Variants in KMT2C observed in about 807,000 individuals in gnomAD.
KMT2C encodes lysine methyltransferase 2C.
Under a neutral mutation model 507.9 loss-of-function variants are expected in KMT2C, and 88 were observed. The observed-to-expected ratio is 0.17, with a 90% CI of 0.15 to 0.21. The LOEUF (loss-of-function observed/expected upper bound fraction) is 0.21, where lower values mean the gene tolerates loss of function less well. Among genes scored for constraint, KMT2C ranks in the 10% least tolerant of loss-of-function variants. The probability of loss-of-function intolerance (pLI) is 1.00; values close to 1 mark genes in which losing one functional copy is unlikely to be tolerated. For missense variants in KMT2C, 4,954 were observed against 5,957.8 expected, an observed-to-expected ratio of 0.83 and a Z score of 5.55; for synonymous variants, 2,049 against 2,080.8, an observed-to-expected ratio of 0.98 and a Z score of 0.42.
At chr7:152,140,996 T>C (rs1363989201) in intron 55 of KMT2C, among the ~76,000 whole-genome samples, 1 of 152,200 alleles carries the variant, frequency 6.6e-6, no homozygotes, top group Non-Finnish European at 1.5e-5. Context: ...TCCCACCACT[T>C]TGGGAAGCCA....
chr7:152,434,426 C>A (rs549816365), intron 1 of KMT2C, among the ~76,000 whole-genome samples: 7 of 152,328 alleles, frequency 4.6e-5, no homozygotes, highest in Admixed American at 4.6e-4. Flanking sequence ...CCCAGCTCTG[C>A]TATGCCTCAG....
chr7:152,241,773 T>C (rs1333722279), intron 14 of KMT2C, among the ~76,000 whole-genome samples: 5 of 152,242 alleles, frequency 3.3e-5, no homozygotes, highest in Admixed American at 6.5e-5. Context: ...AATATTATGT[T>C]GGCAGTAGAC....
At chr7:152,179,787 C>T (rs1315092697) in intron 37 of KMT2C, 47 bp downstream of exon 37, 1 of 1,562,246 alleles carries the variant, frequency 6.4e-7, no homozygotes, top group Non-Finnish European at 8.8e-7. Context: ...GCTCTGTTTC[C>T]CTCTTCTAAT....
chr7:152,196,408 T>C (rs1198616673), intron 27 of KMT2C, among the ~76,000 whole-genome samples: 3 of 152,054 alleles, frequency 2.0e-5, no homozygotes, highest in African/African-American at 7.3e-5. Flanking sequence ...AACCTGTCAC[T>C]CTTTAGAAAT....
chr7:152,364,413 C>A (rs1349473686), intron 1 of KMT2C, among the ~76,000 whole-genome samples: 1 of 152,054 alleles, frequency 6.6e-6, no homozygotes, highest in Non-Finnish European at 1.5e-5. Context: ...CGAGACCATC[C>A]TGGCTAACAT....
At chr7:152,315,512 T>C (rs2096714259) in intron 3 of KMT2C, among the ~76,000 whole-genome samples, 174 bp from the exon 4 acceptor site, 1 of 152,224 alleles carries the variant, frequency 6.6e-6, no homozygotes, top group African/African-American at 2.4e-5. Context: ...TTAAGTTTAA[T>C]AATTATACAT....
At chr7:152,426,941 G>A (rs903213408) in intron 1 of KMT2C, among the ~76,000 whole-genome samples, 1 of 152,094 alleles carries the variant, frequency 6.6e-6, no homozygotes, top group African/African-American at 2.4e-5. Context: ...CATTTCTGAA[G>A]TATTAAGCTT....
intron 5 of KMT2C, 78 bp from the exon 6 acceptor site, chr7:152,310,153 T>G: frequency 1.1e-6 from 1 of 920,490 alleles, no homozygotes; most frequent in Non-Finnish European, 1.7e-6. Context: ...ACATAAAACT[T>G]CAAAATCAAC....
chr7:152,157,687 A>G (rs2092158119), intron 44 of KMT2C: 4 of 957,850 alleles, frequency 4.2e-6, no homozygotes, highest in Non-Finnish European at 5.2e-6. Context: ...AAATACAAAA[A>G]TAAGACAAGC....
rs1258440125 is a variant in KMT2C at position 152,285,752 on chromosome 7, A to C, written c.850-11885T>G. ...GTAATCCCAGCACTCTGGAAGGCCA[A>C]GGAAGGTGGACCACCTAAGGCCAGG... On this transcript the variant is annotated intron_variant, in intron 6 of 58. Coordinates refer to ENST00000262189, the MANE Select transcript of KMT2C (RefSeq NM_170606.3). 2.0e-5 allele frequency among the ~76,000 whole-genome samples: 3 copies of C among 152,266 alleles called. No individual in the cohort carries two copies. The East Asian group carries it at 5.8e-4, about 29-fold the overall frequency.
chr7:152,170,599 T>A (rs1016262383), intron 40 of KMT2C, among the ~76,000 whole-genome samples: 3 of 151,974 alleles, frequency 2.0e-5, no homozygotes, highest in Non-Finnish European at 2.9e-5. Flanking sequence ...GCCTCCCGGG[T>A]TCAAGCGATT....
At chr7:152,188,101 G>C (rs2093677980) in intron 31 of KMT2C, among the ~76,000 whole-genome samples, 1 of 152,128 alleles carries the variant, frequency 6.6e-6, no homozygotes, top group South Asian at 2.1e-4. Flanking sequence ...GGGGGTCCTG[G>C]AACCAAAGCC....
chr7:152,334,270 T>C (rs1458291834), intron 2 of KMT2C, among the ~76,000 whole-genome samples: 2 of 152,132 alleles, frequency 1.3e-5, no homozygotes, highest in East Asian at 3.9e-4. Context: ...AGCCTCAACA[T>C]GGAGAAACCC....
At chr7:152,175,472 C>G (rs1375247348) in intron 38 of KMT2C, among the ~76,000 whole-genome samples, 2 of 141,792 alleles carry the variant, frequency 1.4e-5, no homozygotes, top group African/African-American at 6.3e-5. Flanking sequence ...TCCCCTAGCC[C>G]CCCACCCCCG....
rs772715179 is a variant in KMT2C, at chr7:152,187,701, A to T, written c.4793+14T>A. 2.6e-5 allele frequency: 42 copies of T among 1,604,356 alleles called. No individual in the cohort carries two copies. Among genetic ancestry groups the T allele is most frequent in the Non-Finnish European group, 3.4e-5 (40 of 1,177,610 alleles). Reference sequence around the variant, plus strand: ...TAGTGCAATTTAAGTTTCCATAGAAAATAAGGCTTGTACCTGGCATCAGGA... The same window carrying T: ...TAGTGCAATTTAAGTTTCCATAGAATATAAGGCTTGTACCTGGCATCAGGA... On this transcript the variant is annotated intron_variant, in intron 32 of 58. Coordinates refer to ENST00000262189, the MANE Select transcript of KMT2C (RefSeq NM_170606.3).
intron 6 of KMT2C, among the ~76,000 whole-genome samples, chr7:152,307,741 C>G (rs1165990864): frequency 2.0e-5 from 3 of 152,176 alleles, no homozygotes; most frequent in Non-Finnish European, 4.4e-5. Flanking sequence ...CCAAAAGGGA[C>G]AGAGTGAGGC....
At chr7:152,296,961 G>C (rs970413653) in intron 6 of KMT2C, among the ~76,000 whole-genome samples, 2 of 127,958 alleles carry the variant, frequency 1.6e-5, no homozygotes, top group Non-Finnish European at 3.4e-5. Flanking sequence ...CAAACATGGT[G>C]AAATCCCATC....
At chr7:152,212,841 G>T (rs184244933) in intron 23 of KMT2C, among the ~76,000 whole-genome samples, 12 of 152,232 alleles carry the variant, frequency 7.9e-5, no homozygotes, top group African/African-American at 2.4e-4. Context: ...AGGAGTTCAA[G>T]ACCAGCCTGG....
chr7:152,222,412 G>A (rs1469152129), intron 21 of KMT2C, among the ~76,000 whole-genome samples, 161 bp downstream of exon 21: 1 of 152,156 alleles, frequency 6.6e-6, no homozygotes. Context: ...GTTGTGATAA[G>A]TCATGTATAA....
Sources: allele counts gnomAD v4.1 joint callset (sites outside exome capture counted in the v4.1 genomes callset), GRCh38; gene constraint gnomAD v4.1.1; transcripts MANE v1.5; gene names NCBI Gene and HGNC (gene_info 2026-07-23, HGNC 2026-07-21).